Variants in NLGN4X observed in about 807,000 individuals in gnomAD.
NLGN4X encodes the protein neuroligin-4, X-linked.
NLGN4X carries 3 observed loss-of-function variants against 40.3 expected under a neutral mutation model. The ratio of observed to expected loss-of-function variants is 0.07; its 90% CI spans 0.03 to 0.19. The LOEUF is 0.19. NLGN4X is among the 10% of genes least tolerant of loss of function. NLGN4X has a pLI of 1.00. For missense variants in NLGN4X, 382 were observed against 708.3 expected, an observed-to-expected ratio of 0.54 and a Z score of 5.23; for synonymous variants, 270 against 306.8, an observed-to-expected ratio of 0.88 and a Z score of 1.25.
chrX:6,203,804 G>A (rs1035223980), intron 1 of NLGN4X, among the ~76,000 whole-genome samples: 1 of 112,577 alleles, frequency 8.9e-6, no homozygotes, highest in Non-Finnish European at 1.9e-5. Flanking sequence ...CTGATGTATA[G>A]AAATGCATGA....
intron 3 of NLGN4X, among the ~76,000 whole-genome samples, chrX:5,982,258 A>T (rs1243203581): frequency 8.9e-6 from 1 of 112,193 alleles, no homozygotes; most frequent in African/African-American, 3.2e-5. Flanking sequence ...CAGTAACATA[A>T]ATCCTAATTA....
At chrX:5,991,397 G>C (rs1485009240) in intron 3 of NLGN4X, 1 of 511,985 alleles carries the variant, frequency 2.0e-6, no homozygotes. Flanking sequence ...GGACTGTGGA[G>C]AATTTTCTTT....
chrX:5,942,173 G>A (rs1003158913), intron 3 of NLGN4X, among the ~76,000 whole-genome samples: 5 of 110,250 alleles, frequency 4.5e-5, no homozygotes, highest in Non-Finnish European at 9.5e-5. Context: ...GGAGGATCAC[G>A]TGAGCCTGGG....
At chrX:6,061,165 A>C (rs1490675711) in intron 2 of NLGN4X, among the ~76,000 whole-genome samples, 1 of 111,813 alleles carries the variant, frequency 8.9e-6, no homozygotes, top group Non-Finnish European at 1.9e-5. Flanking sequence ...AATAAGAATA[A>C]ATGAGTCTTC....
intron 3 of NLGN4X, among the ~76,000 whole-genome samples, chrX:5,997,337 T>C (rs1306180270): frequency 1.9e-5 from 2 of 107,005 alleles, no homozygotes; most frequent in African/African-American, 6.7e-5. Context: ...ACCTCATATG[T>C]ATTGATATTC....
At chrX:6,059,164 T>C (rs913798488) in intron 2 of NLGN4X, among the ~76,000 whole-genome samples, 1 of 112,152 alleles carries the variant, frequency 8.9e-6, no homozygotes, top group African/African-American at 3.2e-5. Context: ...TGAACATGAT[T>C]TGATTTTCTT....
intron 3 of NLGN4X, among the ~76,000 whole-genome samples, chrX:6,010,944 A>C (rs767043592): frequency 5.4e-5 from 6 of 111,887 alleles, no homozygotes; most frequent in Non-Finnish European, 1.1e-4. Flanking sequence ...TGAGCTCAGG[A>C]TAAATTACAG....
intron 2 of NLGN4X, among the ~76,000 whole-genome samples, chrX:6,110,388 C>T (rs1384453129): frequency 1.8e-5 from 2 of 111,020 alleles, no homozygotes; most frequent in African/African-American, 6.6e-5. Context: ...AGAAATTTGG[C>T]GACCCTCCCA....
chrX:5,943,278 A>T (rs771621989), intron 3 of NLGN4X, among the ~76,000 whole-genome samples: 1 of 111,308 alleles, frequency 9.0e-6, no homozygotes, highest in Non-Finnish European at 1.9e-5. Flanking sequence ...AGGAACCTCA[A>T]CCCCATGGAA....
At chrX:5,950,460 C>G (rs1287646998) in intron 3 of NLGN4X, among the ~76,000 whole-genome samples, 2 of 112,059 alleles carry the variant, frequency 1.8e-5, no homozygotes, top group African/African-American at 6.5e-5. Context: ...ACATGTAGTG[C>G]ACATTACCTG....
intron 5 of NLGN4X, among the ~76,000 whole-genome samples, chrX:5,900,215 GT>G (rs2031764152): frequency 6.2e-5 from 7 of 112,398 alleles, no homozygotes; most frequent in Admixed American, 5.6e-4. Context: ...TGGAAATAGG[GT>G]AACTGCAGAT....
intron 3 of NLGN4X, among the ~76,000 whole-genome samples, chrX:5,914,356 T>A (rs917545180): frequency 1.2e-4 from 13 of 111,653 alleles, no homozygotes; most frequent in African/African-American, 3.9e-4. Context: ...TGTTTCTCCA[T>A]GCACTGCAAG....
chrX:6,146,209 A>G (rs780930693), intron 2 of NLGN4X, among the ~76,000 whole-genome samples: 1 of 112,097 alleles, frequency 8.9e-6, no homozygotes, highest in East Asian at 2.8e-4. Context: ...CGCCACACTT[A>G]ACACCCAAGT....
chrX:6,221,400 T>G (rs1290286993), intron 1 of NLGN4X, among the ~76,000 whole-genome samples: 5 of 62,066 alleles, frequency 8.1e-5, no homozygotes, highest in Admixed American at 3.2e-4. Flanking sequence ...ATTATATATA[T>G]ATATATATAT....
At chrX:5,939,348 A>G (rs1426689590) in intron 3 of NLGN4X, among the ~76,000 whole-genome samples, 1 of 110,874 alleles carries the variant, frequency 9.0e-6, no homozygotes, top group Non-Finnish European at 1.9e-5. Flanking sequence ...AAATCAAATC[A>G]CTCAGATGGG....
chrX:6,192,051 T>C (rs188335713), intron 1 of NLGN4X, among the ~76,000 whole-genome samples: 3,634 of 111,484 alleles, frequency 0.033, 62 homozygotes, highest in Non-Finnish European at 0.051. Context: ...ACCCAATGCA[T>C]CCCCTACCCC....
chrX:6,068,194 T>C (rs1338905225), intron 2 of NLGN4X, among the ~76,000 whole-genome samples: 3 of 111,193 alleles, frequency 2.7e-5, no homozygotes, highest in Non-Finnish European at 5.7e-5. Context: ...CCAAAGAAAA[T>C]TGTTTACAGC....
chrX:5,954,978 G>C (rs1490797707), intron 3 of NLGN4X, among the ~76,000 whole-genome samples: 1 of 111,800 alleles, frequency 8.9e-6, no homozygotes, highest in Non-Finnish European at 1.9e-5. Context: ...TTCAGGACCA[G>C]AATGTAGCAT....
intron 1 of NLGN4X, among the ~76,000 whole-genome samples, chrX:6,170,155 CTA>C: frequency 9.0e-6 from 1 of 110,922 alleles, no homozygotes; most frequent in Non-Finnish European, 1.9e-5. Flanking sequence ...CACAGGCACG[CTA>C]TGTTGCCCAG....
Sources: gnomAD v4.1 joint callset for allele counts (sites outside exome capture counted in the v4.1 genomes callset) on GRCh38, gnomAD v4.1.1 for gene constraint, MANE v1.5 for transcripts, NCBI Gene and HGNC (gene_info 2026-07-23, HGNC 2026-07-21) for gene names.